Variants in WTAP observed in about 807,000 individuals in gnomAD.
WTAP encodes the protein pre-mRNA-splicing regulator WTAP.
A neutral mutation model predicts 50.0 loss-of-function variants in WTAP; 8 were observed. The ratio of observed to expected loss-of-function variants is 0.16; its 90% CI spans 0.09 to 0.29. The LOEUF is 0.29. WTAP is among the 10% of genes least tolerant of loss of function. The pLI is 1.00. For synonymous variants in WTAP, 194 were observed against 169.0 expected, an observed-to-expected ratio of 1.15 and a Z score of -1.15; for missense variants, 295 against 470.7, an observed-to-expected ratio of 0.63 and a Z score of 3.45.
At chr6:159,744,349 T>C (rs1305907681) in intron 5 of WTAP, among the ~76,000 whole-genome samples, 3 of 152,232 alleles carry the variant, frequency 2.0e-5, no homozygotes, top group Admixed American at 6.5e-5. Flanking sequence ...GGTGTAATTA[T>C]ACAAAATAAT....
At chr6:159,743,992 A>G (rs778263363) in intron 5 of WTAP, among the ~76,000 whole-genome samples, 200 bp downstream of exon 5, 1 of 152,132 alleles carries the variant, frequency 6.6e-6, no homozygotes, top group Non-Finnish European at 1.5e-5. Flanking sequence ...CAAGAAGGCA[A>G]AGTTTTAAGT....
chr6:159,754,690 A>G (rs191175375), intron 7 of WTAP, among the ~76,000 whole-genome samples: 15 of 152,316 alleles, frequency 9.8e-5, no homozygotes, highest in African/African-American at 3.6e-4. Context: ...TAGTTATTTT[A>G]CTGTATTGTT....
chr6:159,731,936 A>T (rs1778596145), intron 1 of WTAP, among the ~76,000 whole-genome samples: 1 of 152,028 alleles, frequency 6.6e-6, no homozygotes, highest in Non-Finnish European at 1.5e-5. Flanking sequence ...TGTTAATTTT[A>T]TTTTAGTGGA....
intron 1 of WTAP, among the ~76,000 whole-genome samples, chr6:159,732,617 C>G (rs1296509660): frequency 6.6e-6 from 1 of 152,044 alleles, no homozygotes; most frequent in Non-Finnish European, 1.5e-5. Flanking sequence ...GGTGGATTAC[C>G]TGAGGTGAGG....
chr6:159,746,869 G>A (rs978541059), intron 5 of WTAP, among the ~76,000 whole-genome samples: 1 of 152,146 alleles, frequency 6.6e-6, no homozygotes, highest in African/African-American at 2.4e-5. Flanking sequence ...GAATGAAAGT[G>A]TTGACTATTG....
At chr6:159,731,637 T>C (rs1778576471) in intron 1 of WTAP, among the ~76,000 whole-genome samples, 1 of 152,226 alleles carries the variant, frequency 6.6e-6, no homozygotes, top group African/African-American at 2.4e-5. Flanking sequence ...ACACTGAGTC[T>C]GTGTTTTTGA....
At chr6:159,727,391 C>T (rs1562446915), upstream of WTAP, 5 of 588,724 alleles carry the variant, frequency 8.5e-6, no homozygotes, top group Non-Finnish European at 1.2e-5. Flanking sequence ...AGGCGGGAGG[C>T]GGGAGGCGGG....
chr6:159,751,336 A>G (rs1480147931), intron 6 of WTAP, among the ~76,000 whole-genome samples: 2 of 152,220 alleles, frequency 1.3e-5, no homozygotes, highest in African/African-American at 2.4e-5. Flanking sequence ...AGATTAATGT[A>G]TCTTACAGTT....
At chr6:159,751,689 G>T (rs1046972523) in intron 6 of WTAP, among the ~76,000 whole-genome samples, 1 of 152,214 alleles carries the variant, frequency 6.6e-6, no homozygotes, top group Non-Finnish European at 1.5e-5. Context: ...CCTCTGAGCA[G>T]TAGTAACCCA....
At chr6:159,727,013 G>T, upstream of WTAP, 1 of 1,242,802 alleles carries the variant, frequency 8.0e-7, no homozygotes, top group Non-Finnish European at 1.0e-6. Flanking sequence ...TCCGCACGAG[G>T]CAGCCCCGCA....
intron 3 of WTAP, among the ~76,000 whole-genome samples, chr6:159,740,714 T>G (rs1239996130): frequency 2.6e-5 from 4 of 151,414 alleles, no homozygotes; most frequent in African/African-American, 9.7e-5. Flanking sequence ...CTTTCTTTTT[T>G]TTTTTTTTAA....
In WTAP at chr6:159,735,877, A is replaced by G. The variant is rs182293938; in HGVS notation, c.-8-381A>G. 3.9e-5 allele frequency among the ~76,000 whole-genome samples: 6 copies of G among 152,308 alleles called. No individual in the cohort carries two copies. In the East Asian group the frequency reaches 1.2e-3, roughly 29 times the overall value. On this transcript the variant is annotated intron_variant, in intron 1 of 7. Transcript: ENST00000621533. ...AAAAGGAAAGACTTAAACTGGTATTACCCTTTTATAGTCCCTTAGCAACAT... is the reference window on the plus strand; with the variant it reads ...AAAAGGAAAGACTTAAACTGGTATTGCCCTTTTATAGTCCCTTAGCAACAT...
intron 2 of WTAP, among the ~76,000 whole-genome samples, chr6:159,737,256 C>T (rs1387500165): frequency 6.6e-6 from 1 of 152,112 alleles, no homozygotes; most frequent in African/African-American, 2.4e-5. Flanking sequence ...ACCATGTTGC[C>T]CAGGCTGGTC....
rs200491272 is a variant in WTAP at position 159,755,146 on chromosome 6, G to A, written c.726G>A (p.Gln242=). 143 of 1,614,152 alleles carry A rather than the reference G, an allele frequency of 8.9e-5. No individual in the cohort carries two copies. The highest frequency in any genetic ancestry group is 3.0e-5 in the Non-Finnish European group (35 of 1,180,020). Residue 242 remains glutamine (Q), a synonymous_variant, in exon 8 of 8, where the codon CAG becomes CAA. Transcript: ENST00000621533. The stretch of plus-strand genomic sequence containing the variant: ...AGCAGTTGGCTCAGTACCAGCAGCA[G>A]CAGTCTCAGGCCTCTGCCCCAAGTA... The part of the protein sequence containing the change: ...TRQQLAQYQQ[Q]QSQASAPSTS...
intron 1 of WTAP, among the ~76,000 whole-genome samples, chr6:159,732,847 TCTTTCTC>T (rs1562452223): frequency 7.9e-6 from 1 of 126,114 alleles, no homozygotes; most frequent in African/African-American, 3.5e-5. Context: ...TCTGTCTGCT[TCTTTCTC>T]TCTCTCTCTC....
intron 1 of WTAP, among the ~76,000 whole-genome samples, chr6:159,732,046 C>A (rs1180552982): frequency 2.0e-5 from 3 of 152,102 alleles, no homozygotes; most frequent in South Asian, 2.1e-4. Context: ...TTGCCAAAAT[C>A]CTGGCATAGG....
upstream of WTAP, chr6:159,727,182 G>A: frequency 8.2e-7 from 1 of 1,222,224 alleles, no homozygotes; most frequent in Non-Finnish European, 1.0e-6. Flanking sequence ...CCTGGGAAAG[G>A]ACGGGGAGTG....
rs1778275909 is a variant in WTAP, at chr6:159,727,653, C to T, written c.-59C>T. ...GGCCCGGGCGGCAGGGCAAGCAGCG[C>T]GGCCTCGGCCTATGCGACCGGTGGC... is the stretch of plus-strand genomic sequence containing the variant. On this transcript the variant is annotated 5_prime_UTR_variant, in exon 1 of 8. Transcript: ENST00000621533. The T allele has an allele frequency of 4.1e-6, 4 of 985,442 alleles. No homozygotes were observed. Among genetic ancestry groups the T allele is most frequent in the African/African-American group, 3.5e-5 (2 of 57,118 alleles). 61.0% of individuals were successfully genotyped at this position (985,442 alleles called of 1,614,324 possible).
chr6:159,755,736 GTT>G lies in WTAP; in HGVS notation c.*132_*133del, dbSNP rs1277039315. 1 of 359,904 alleles carries G rather than the reference GTT, an allele frequency of 2.8e-6. No homozygotes were observed. The highest frequency in any genetic ancestry group is 7.6e-5 in the African/African-American group (1 of 13,140). The allele number at this position is 359,904 out of a possible 1,614,324, so 22.3% of individuals were successfully genotyped here. On this transcript the variant is annotated 3_prime_UTR_variant, in exon 8 of 8. Coordinates refer to ENST00000621533, the MANE Select transcript of WTAP (RefSeq NM_001270531.2). ...GTGTACGTTTTGGTTTTTTTTTGTT[GTT>G]TTTTTTCTTTGTTTTTTTTTTCTTT...
Sources: allele counts gnomAD v4.1 joint callset (sites outside exome capture counted in the v4.1 genomes callset), GRCh38; gene constraint gnomAD v4.1.1; transcripts MANE v1.5; gene names NCBI Gene and HGNC (gene_info 2026-07-23, HGNC 2026-07-21).